The following SRD5A2 variants were observed in gnomAD, a reference collection of about 807,000 sequenced individuals.
The protein encoded by SRD5A2 is 3-oxo-5-alpha-steroid 4-dehydrogenase 2.
SRD5A2 carries 30 observed loss-of-function variants against 27.4 expected under a neutral mutation model. That is an observed-to-expected ratio of 1.10 (90% confidence interval 0.82 to 1.49). SRD5A2 has a LOEUF of 1.49. SRD5A2 is among the 40% of genes most tolerant of loss of function. The pLI, the probability that SRD5A2 is intolerant of heterozygous loss-of-function variation, is 0.00. For missense variants in SRD5A2, 348 were observed against 323.4 expected, an observed-to-expected ratio of 1.08 and a Z score of -0.58; for synonymous variants, 141 against 133.6, an observed-to-expected ratio of 1.06 and a Z score of -0.38.
chr2:31,593,809 T>C, the SRD5A2 span, among the ~76,000 whole-genome samples: 1 of 152,058 alleles, frequency 6.6e-6, no homozygotes, highest in Non-Finnish European at 1.5e-5. Flanking sequence ...CATCAAGTAG[T>C]CTATAAAGAA....
At chr2:31,565,800 G>C (rs1034108585) in intron 1 of SRD5A2, among the ~76,000 whole-genome samples, 8 of 151,920 alleles carry the variant, frequency 5.3e-5, no homozygotes, top group Non-Finnish European at 7.4e-5. Flanking sequence ...TGGTAGAATA[G>C]GTAGAGAGAA....
chr2:31,629,595 T>C, the SRD5A2 span, among the ~76,000 whole-genome samples: 1 of 152,106 alleles, frequency 6.6e-6, no homozygotes, highest in African/African-American at 2.4e-5. Context: ...GTTGGGAGTG[T>C]TGGTCTGCCT....
the SRD5A2 span, among the ~76,000 whole-genome samples, chr2:31,620,434 C>T: frequency 1.3e-5 from 2 of 152,020 alleles, no homozygotes; most frequent in South Asian, 4.1e-4. Context: ...ATGTAGAAAA[C>T]CCCATCATCT....
At chr2:31,660,499 T>C in the SRD5A2 span, among the ~76,000 whole-genome samples, 13 of 152,090 alleles carry the variant, frequency 8.5e-5, no homozygotes, top group East Asian at 2.5e-3. Context: ...ACACCAAGAG[T>C]GAACCCTAAA....
chr2:31,630,536 C>T, the SRD5A2 span, among the ~76,000 whole-genome samples: 3 of 152,276 alleles, frequency 2.0e-5, no homozygotes, highest in East Asian at 5.8e-4. Context: ...CACTGACAAC[C>T]AGTAGCCTTC....
At chr2:31,605,398 A>G in the SRD5A2 span, among the ~76,000 whole-genome samples, 3 of 151,684 alleles carry the variant, frequency 2.0e-5, no homozygotes, top group African/African-American at 4.8e-5. Flanking sequence ...TGTTCATCTG[A>G]CAAGGTATTC....
At chr2:31,635,187 T>C in the SRD5A2 span, among the ~76,000 whole-genome samples, 2 of 152,142 alleles carry the variant, frequency 1.3e-5, no homozygotes, top group Non-Finnish European at 2.9e-5. Flanking sequence ...TTTCTCCATA[T>C]CCTTGCTAGC....
At chr2:31,599,305 A>T in the SRD5A2 span, among the ~76,000 whole-genome samples, 1 of 152,176 alleles carries the variant, frequency 6.6e-6, no homozygotes, top group South Asian at 2.1e-4. Flanking sequence ...CTATAGACCA[A>T]AAGAATCTAA....
chr2:31,577,307 A>G lies in SRD5A2; in HGVS notation c.281+3313T>C, dbSNP rs563828756. On this transcript the variant is annotated intron_variant, in intron 1 of 4. Transcript: ENST00000622030. ...CACAACAATAGATTCTGAAGAGAGG[A>G]AAGTTATCTGAATTGACCTAACTAT... Among the ~76,000 whole-genome samples, 8 of 152,032 alleles carry G rather than the reference A, an allele frequency of 5.3e-5. No homozygotes were observed. The East Asian group carries it at 1.6e-3, about 30-fold the overall frequency.
At chr2:31,645,462 T>G in the SRD5A2 span, among the ~76,000 whole-genome samples, 2 of 152,186 alleles carry the variant, frequency 1.3e-5, no homozygotes, top group African/African-American at 4.8e-5. Flanking sequence ...TCAAAAAATT[T>G]TAAAAACGAA....
the SRD5A2 span, among the ~76,000 whole-genome samples, chr2:31,590,148 C>T: frequency 1.3e-5 from 2 of 148,154 alleles, no homozygotes; most frequent in African/African-American, 5.0e-5. Context: ...CAATCCTGCG[C>T]CCCCACCCCA....
rs1665769769 is a variant in SRD5A2, at chr2:31,526,006, G to A, written c.*190C>T. The A allele has an allele frequency of 2.0e-6, 1 of 496,454 alleles. No homozygotes were observed. Among genetic ancestry groups the A allele is most frequent in the South Asian group, 3.6e-5 (1 of 27,728 alleles). The allele number at this position is 496,454 out of a possible 1,614,324, so 30.8% of individuals were successfully genotyped here. A position where few individuals can be genotyped will look rare whatever the true frequency, so the allele number is the denominator to read the frequency against. Reference sequence around the variant, plus strand: ...GAAGCTTCAGTTGGGGATCAGGATAGGGGTCCCTGGAAGGGTAGGAGTAAA... The same window carrying A: ...GAAGCTTCAGTTGGGGATCAGGATAAGGGTCCCTGGAAGGGTAGGAGTAAA... On this transcript the variant is annotated 3_prime_UTR_variant, in exon 5 of 5. Coordinates refer to ENST00000622030, the MANE Select transcript of SRD5A2 (RefSeq NM_000348.4).
chr2:31,655,858 A>G, the SRD5A2 span, among the ~76,000 whole-genome samples: 1 of 152,240 alleles, frequency 6.6e-6, no homozygotes, highest in East Asian at 1.9e-4. Context: ...AACTAAAAAT[A>G]TAAAGATAAA....
intron 1 of SRD5A2, among the ~76,000 whole-genome samples, 160 bp downstream of exon 1, chr2:31,580,460 C>T (rs1474711116): frequency 1.3e-5 from 2 of 152,120 alleles, no homozygotes; most frequent in Non-Finnish European, 2.9e-5. Flanking sequence ...GCCCCGGCCC[C>T]GGCCCCCGCC....
At chr2:31,650,509 T>C in the SRD5A2 span, among the ~76,000 whole-genome samples, 1 of 152,164 alleles carries the variant, frequency 6.6e-6, no homozygotes, top group Admixed American at 6.5e-5. Context: ...CTAGATAGTT[T>C]CTCTATGGAA....
At chr2:31,576,329 G>A (rs1470435649) in intron 1 of SRD5A2, among the ~76,000 whole-genome samples, 1 of 36,772 alleles carries the variant, frequency 2.7e-5, no homozygotes, top group Non-Finnish European at 5.4e-5. Context: ...ATCAAAAAGT[G>A]GGCGAAGGAC....
At position 31,525,833 on chromosome 2, in the gene SRD5A2, C is replaced by A. The variant is rs879527984; in HGVS notation, c.*363G>T. The A allele has an allele frequency of 7.9e-5, 20 of 253,908 alleles. No individual in the cohort carries two copies. The highest frequency in any genetic ancestry group is 3.7e-4 in the African/African-American group (17 of 46,036). The allele number at this position is 253,908 out of a possible 1,614,324, so 15.7% of individuals were successfully genotyped here. On this transcript the variant is annotated 3_prime_UTR_variant, in exon 5 of 5. Coordinates refer to ENST00000622030, the MANE Select transcript of SRD5A2 (RefSeq NM_000348.4). ...AGTACTGCCTTCAAGTCAAAAAATT[C>A]TTGATTACAGAGTTGTCCTGCATTG...
intron 1 of SRD5A2, among the ~76,000 whole-genome samples, chr2:31,561,638 T>C (rs1666626752): frequency 6.6e-6 from 1 of 152,192 alleles, no homozygotes; most frequent in Admixed American, 6.5e-5. Context: ...CTCAGTATCT[T>C]TCTTCCTGCC....
At chr2:31,554,153 T>C (rs1442623606) in intron 1 of SRD5A2, among the ~76,000 whole-genome samples, 1 of 152,114 alleles carries the variant, frequency 6.6e-6, no homozygotes, top group African/African-American at 2.4e-5. Flanking sequence ...AGAAGTAGAA[T>C]ACCACATAAC....
Sources: allele counts gnomAD v4.1 joint callset (sites outside exome capture counted in the v4.1 genomes callset), GRCh38; gene constraint gnomAD v4.1.1; transcripts MANE v1.5; gene names NCBI Gene and HGNC (gene_info 2026-07-23, HGNC 2026-07-21).